The following HDX variants were observed in gnomAD, a reference collection of about 807,000 sequenced individuals.
The protein encoded by HDX is highly divergent homeobox, also known as chromosome X open reading frame 43.
HDX carries 19 observed loss-of-function variants against 45.2 expected under a neutral mutation model. The observed-to-expected ratio is 0.42, with a 90% CI of 0.29 to 0.62. The LOEUF is 0.62. HDX is among the 20% of genes least tolerant of loss of function. HDX has a pLI of 0.20. For synonymous variants in HDX, 188 were observed against 172.8 expected (o/e 1.09, Z -0.69); for missense variants, 532 against 493.9 (o/e 1.08, Z -0.73).
chrX:84,448,443 C>T (rs1446531344), intron 4 of HDX, among the ~76,000 whole-genome samples: 1 of 111,170 alleles, frequency 9.0e-6, no homozygotes, highest in Non-Finnish European at 1.9e-5. Context: ...GCCACTGAGG[C>T]CCATCTGAAT....
chrX:84,375,493 C>T (rs1189838330), intron 5 of HDX, among the ~76,000 whole-genome samples: 18 of 111,962 alleles, frequency 1.6e-4, no homozygotes, highest in Non-Finnish European at 3.2e-4. Context: ...TTGGAACCAA[C>T]CCAAATGTCC....
chrX:84,398,717 C>T (rs1424233283), intron 5 of HDX, among the ~76,000 whole-genome samples: 3 of 111,896 alleles, frequency 2.7e-5, no homozygotes, highest in Non-Finnish European at 5.6e-5. Flanking sequence ...TCAAGTGGAC[C>T]TAATGGACGT....
At chrX:84,369,688 T>C (rs969488118) in intron 5 of HDX, among the ~76,000 whole-genome samples, 33 of 112,388 alleles carry the variant, frequency 2.9e-4, no homozygotes, top group African/African-American at 1.0e-3. Flanking sequence ...TGCATTTCCC[T>C]GTTGATTAGT....
intron 5 of HDX, among the ~76,000 whole-genome samples, chrX:84,416,559 T>C (rs1382415223): frequency 2.7e-5 from 3 of 111,065 alleles, no homozygotes; most frequent in Non-Finnish European, 5.7e-5. Context: ...AGTTCATTAG[T>C]TCCATGAGAG....
chrX:84,411,660 T>G (rs1161875255), intron 5 of HDX, among the ~76,000 whole-genome samples: 2 of 111,164 alleles, frequency 1.8e-5, no homozygotes, highest in Non-Finnish European at 3.8e-5. Context: ...GGTGGAAAGC[T>G]CTCTAGATTT....
chrX:84,497,730 CGTGT>C (rs751001968), intron 1 of HDX, among the ~76,000 whole-genome samples: 6 of 104,769 alleles, frequency 5.7e-5, no homozygotes, highest in African/African-American at 1.7e-4. Flanking sequence ...TTTACATATA[CGTGT>C]GTGTGTGTGT....
intron 5 of HDX, among the ~76,000 whole-genome samples, chrX:84,372,608 CT>C (rs1252562169): frequency 8.9e-6 from 1 of 111,766 alleles, no homozygotes; most frequent in African/African-American, 3.2e-5. Flanking sequence ...TGTGTAAGTT[CT>C]TTTTTGTTCT....
Position 84,469,074 on chromosome X carries a change from G to A in HDX, c.649C>T (p.His217Tyr). 8.3e-7 allele frequency: 1 copy of A among 1,211,717 alleles called. No individual in the cohort carries two copies. ...MTVPQKPSVC[H>Y]RPCKIEPVGI... ...ACTGGTTCAATTTTACAAGGTCGGT[G>A]GCACACAGAAGGCTTTTGAGGTACT... The change falls in exon 4 of 11, where the codon CAC (histidine) becomes TAC (tyrosine). Residue 217 changes from histidine (H) to tyrosine (Y), a missense_variant. Around this residue, in one of 3 missense-constraint regions of HDX, gnomAD observed 376 missense variants for 343.7 expected, o/e 1.09. Coordinates refer to ENST00000373177, the MANE Select transcript of HDX (RefSeq NM_001177479.2).
chrX:84,448,819 G>GA (rs2039933079), intron 4 of HDX, among the ~76,000 whole-genome samples: 3 of 109,574 alleles, frequency 2.7e-5, no homozygotes, highest in South Asian at 7.7e-4. Context: ...ATGAAAACCA[G>GA]AAAAAATAAT....
chrX:84,383,860 G>C (rs1416169059), intron 5 of HDX, among the ~76,000 whole-genome samples: 1 of 111,544 alleles, frequency 9.0e-6, no homozygotes, highest in African/African-American at 3.3e-5. Flanking sequence ...CTTCATTCAT[G>C]TTACTGCAAA....
At chrX:84,359,844 G>A (rs1908178026) in intron 6 of HDX, among the ~76,000 whole-genome samples, 1 of 111,551 alleles carries the variant, frequency 9.0e-6, no homozygotes, top group Admixed American at 9.5e-5. Flanking sequence ...GAAAATCAAG[G>A]CAATACCATT....
At chrX:84,396,843 G>C (rs1393502913) in intron 5 of HDX, among the ~76,000 whole-genome samples, 1 of 111,158 alleles carries the variant, frequency 9.0e-6, no homozygotes, top group Non-Finnish European at 1.9e-5. Context: ...TCTGGCATGA[G>C]GGGGTGAAGC....
intron 5 of HDX, among the ~76,000 whole-genome samples, chrX:84,400,441 C>A (rs1401224127): frequency 2.8e-5 from 3 of 108,171 alleles, no homozygotes; most frequent in African/African-American, 1.0e-4. Context: ...TCGTAACAAA[C>A]TCCCATTCAC....
At chrX:84,438,797 T>G (rs2039694738) in intron 5 of HDX, among the ~76,000 whole-genome samples, 1 of 111,624 alleles carries the variant, frequency 9.0e-6, no homozygotes, top group Admixed American at 9.6e-5. Context: ...GATGGGCACT[T>G]AGGTTGATTT....
intron 4 of HDX, among the ~76,000 whole-genome samples, chrX:84,444,104 A>G (rs2039820992): frequency 9.0e-6 from 1 of 111,342 alleles, no homozygotes; most frequent in Non-Finnish European, 1.9e-5. Context: ...AAAGATGTGT[A>G]GAACTCTAAC....
At chrX:84,483,252 C>T (rs972221725) in intron 2 of HDX, among the ~76,000 whole-genome samples, 2 of 112,015 alleles carry the variant, frequency 1.8e-5, no homozygotes, top group African/African-American at 6.5e-5. Flanking sequence ...TGTTGGGGCT[C>T]CAACCCCACA....
intron 6 of HDX, among the ~76,000 whole-genome samples, chrX:84,352,462 A>AT (rs2037382569): frequency 9.0e-6 from 1 of 111,496 alleles, no homozygotes; most frequent in African/African-American, 3.3e-5. Context: ...AATTCCATTT[A>AT]TTTTTTCCTT....
At chrX:84,496,590 C>G (rs933165611) in intron 1 of HDX, among the ~76,000 whole-genome samples, 1 of 111,052 alleles carries the variant, frequency 9.0e-6, no homozygotes, top group African/African-American at 3.3e-5. Flanking sequence ...ATGTTTCTCT[C>G]TGCATTCAGT....
chrX:84,380,307 A>G (rs940017251), intron 5 of HDX, among the ~76,000 whole-genome samples: 4 of 110,375 alleles, frequency 3.6e-5, no homozygotes, highest in African/African-American at 1.3e-4. Context: ...AAGACCTAGT[A>G]CCAATCCTAC....
Sources: gnomAD v4.1 joint callset for allele counts (sites outside exome capture counted in the v4.1 genomes callset) on GRCh38, gnomAD v4.1.1 for gene constraint, gnomAD v4.1.1 regional missense constraint, MANE v1.5 for transcripts, NCBI Gene and HGNC (gene_info 2026-07-23, HGNC 2026-07-21) for gene names.